CCDC178: variants seen among roughly 807,000 people sequenced by gnomAD.
The protein encoded by CCDC178 is coiled-coil domain containing 178.
In CCDC178, 126 loss-of-function variants were observed where a neutral mutation model predicts 117.4. The ratio of observed to expected loss-of-function variants is 1.07; its 90% confidence interval spans 0.93 to 1.24. The LOEUF is 1.24. CCDC178 is among the 50% of genes most tolerant of loss of function. CCDC178 has a pLI of 0.00. For missense variants in CCDC178, 1,030 were observed against 986.9 expected (o/e 1.04, Z -0.59); for synonymous variants, 283 against 313.4 (o/e 0.90, Z 1.02).
intron 10 of CCDC178, among the ~76,000 whole-genome samples, chr18:33,332,214 AC>A (rs1414457436): frequency 1.3e-5 from 2 of 152,218 alleles, no homozygotes; most frequent in Non-Finnish European, 1.5e-5. Context: ...ATATAATTAC[AC>A]AAATTTGGCT....
At chr18:33,063,390 T>C (rs2056961328) in intron 21 of CCDC178, among the ~76,000 whole-genome samples, 2 of 152,098 alleles carry the variant, frequency 1.3e-5, no homozygotes. Context: ...CCACTGCCCA[T>C]AAACTCTGTT....
At chr18:33,150,006 G>C (rs572141606) in intron 20 of CCDC178, among the ~76,000 whole-genome samples, 1 of 152,272 alleles carries the variant, frequency 6.6e-6, no homozygotes, top group Admixed American at 6.5e-5. Context: ...CAGGGCTATA[G>C]TACCAAAACA....
chr18:32,949,912 C>A (rs1263324552), intron 22 of CCDC178, among the ~76,000 whole-genome samples: 1 of 152,100 alleles, frequency 6.6e-6, no homozygotes, highest in Non-Finnish European at 1.5e-5. Flanking sequence ...GCCTTGCTTT[C>A]AAAATTTGTT....
intron 10 of CCDC178, among the ~76,000 whole-genome samples, chr18:33,330,176 G>T (rs928934033): frequency 2.6e-5 from 4 of 151,772 alleles, no homozygotes; most frequent in Non-Finnish European, 5.9e-5. Flanking sequence ...TTTCATTTTT[G>T]AGTATTGTCA....
At position 33,004,655 on chromosome 18, in the gene CCDC178, G is replaced by A. The variant is rs149990084; in HGVS notation, c.2389-29974C>T. ...AGTTAAAAAGCTTCTGCACAGCAAA[G>A]GAAACAATCAAGTGAAGAGACAACC... On this transcript the variant is annotated intron_variant, in intron 21 of 22. Transcript: ENST00000383096. 4.6e-3 allele frequency among the ~76,000 whole-genome samples: 693 copies of A among 152,080 alleles called. 4 individuals carry two copies. Among genetic ancestry groups the A allele is most frequent in the African/African-American group, 0.015 (643 of 41,528 alleles).
chr18:32,941,400 T>G (rs2054236323), intron 22 of CCDC178, among the ~76,000 whole-genome samples: 1 of 152,088 alleles, frequency 6.6e-6, no homozygotes, highest in Non-Finnish European at 1.5e-5. Context: ...AGGAAAACGA[T>G]AAAAGTAGGG....
At chr18:33,256,490 G>A (rs1288805970) in intron 14 of CCDC178, among the ~76,000 whole-genome samples, 2 of 152,120 alleles carry the variant, frequency 1.3e-5, no homozygotes, top group East Asian at 3.9e-4. Context: ...TTGACAAAAA[G>A]CATGCCAGGC....
At chr18:33,353,546 C>A (rs949960291) in intron 7 of CCDC178, among the ~76,000 whole-genome samples, 1 of 151,666 alleles carries the variant, frequency 6.6e-6, no homozygotes, top group African/African-American at 2.4e-5. Context: ...CTTTGTTTTC[C>A]TGTACTGTCT....
At chr18:33,200,458 T>C (rs1288998402) in intron 20 of CCDC178, among the ~76,000 whole-genome samples, 1 of 152,204 alleles carries the variant, frequency 6.6e-6, no homozygotes, top group Non-Finnish European at 1.5e-5. Flanking sequence ...GGTCAATTAT[T>C]CATAACCTAG....
At chr18:33,081,282 T>G (rs2057293271) in intron 21 of CCDC178, among the ~76,000 whole-genome samples, 1 of 152,196 alleles carries the variant, frequency 6.6e-6, no homozygotes, top group Non-Finnish European at 1.5e-5. Context: ...AGCATTATGT[T>G]GACTGTTTTT....
At position 33,211,878 on chromosome 18, in the gene CCDC178, T is replaced by C. The variant is rs369864266; in HGVS notation, c.2238+18A>G. On this transcript the variant is annotated intron_variant, in intron 20 of 22. Transcript: ENST00000383096. ...ACTATATTCCTTTCATTTTGAAACA[T>C]GCAAAAATAATACTCACTTGGGTAT... The C allele has an allele frequency of 5.0e-6, 8 of 1,589,556 alleles. No homozygotes were observed. The highest frequency in any genetic ancestry group is 1.2e-5 in the South Asian group (1 of 85,954).
chr18:33,371,747 T>G (rs1269919806), intron 5 of CCDC178, among the ~76,000 whole-genome samples: 1 of 150,422 alleles, frequency 6.6e-6, no homozygotes, highest in Non-Finnish European at 1.5e-5. Flanking sequence ...TTTTGTATGT[T>G]ACAGTCCATC....
intron 7 of CCDC178, among the ~76,000 whole-genome samples, chr18:33,353,804 G>A (rs2063012498): frequency 6.6e-6 from 1 of 151,846 alleles, no homozygotes; most frequent in Admixed American, 6.6e-5. Context: ...ATCATATAGG[G>A]AAACAAATAA....
chr18:32,997,570 C>A (rs988417713), intron 21 of CCDC178, among the ~76,000 whole-genome samples: 3 of 152,056 alleles, frequency 2.0e-5, no homozygotes, highest in Non-Finnish European at 4.4e-5. Context: ...TAAAATCTCT[C>A]TCTTGTTCTC....
chr18:33,328,649 T>C (rs910187602), intron 10 of CCDC178, among the ~76,000 whole-genome samples: 1 of 152,124 alleles, frequency 6.6e-6, no homozygotes, highest in Non-Finnish European at 1.5e-5. Context: ...GAAATTTCAG[T>C]TCTACTTTAT....
rs1019176309 is a variant in CCDC178 at position 33,055,694 on chromosome 18, C to A, written c.2388+37067G>T. Among the ~76,000 whole-genome samples, 17 of 152,248 alleles carry A rather than the reference C, an allele frequency of 1.1e-4. No homozygotes were observed. The South Asian group carries it at 1.5e-3, about 13-fold the overall frequency. On this transcript the variant is annotated intron_variant, in intron 21 of 22. Coordinates refer to ENST00000383096, the MANE Select transcript of CCDC178 (RefSeq NM_001105528.4). ...AAAAGCTTTTGCCTATACAATGAAG[C>A]TATAAGTTCAATGAGGAAGTGACAC...
At position 33,013,542 on chromosome 18, in the gene CCDC178, C is replaced by T. The variant is rs74797131; in HGVS notation, c.2389-38861G>A. Among the ~76,000 whole-genome samples the T allele has an allele frequency of 9.7e-3, 1,482 of 152,210 alleles. 24 individuals carry two copies. The highest frequency in any genetic ancestry group is 0.034 in the African/African-American group (1,423 of 41,524). ...TATCTTGGCACATATAATTTTATGA[C>T]ATAAGGCTATGATTTATTTTTATAT... On this transcript the variant is annotated intron_variant, in intron 21 of 22. Coordinates refer to ENST00000383096, the MANE Select transcript of CCDC178 (RefSeq NM_001105528.4).
At position 33,440,645 on chromosome 18, in the gene CCDC178, C is replaced by G. The variant is rs1004485896; in HGVS notation, c.-143+8G>C. 1 of 152,344 alleles carries G rather than the reference C, an allele frequency of 6.6e-6. No individual in the cohort carries two copies. Among genetic ancestry groups the G allele is most frequent in the Non-Finnish European group, 1.5e-5 (1 of 68,106 alleles). 9.4% of individuals were successfully genotyped at this position (152,344 alleles called of 1,614,324 possible). On this transcript the variant is annotated splice_region_variant and intron_variant, in intron 1 of 22. Coordinates refer to ENST00000383096, the MANE Select transcript of CCDC178 (RefSeq NM_001105528.4). ...GCCCGCGCCGAGGCACAAGCGCCCC[C>G]GACTCACCGGCTCCGCGCGTTTCCC...
chr18:33,248,486 C>T (rs574037380), intron 14 of CCDC178, among the ~76,000 whole-genome samples: 1 of 148,666 alleles, frequency 6.7e-6, no homozygotes, highest in Non-Finnish European at 1.5e-5. Flanking sequence ...TCTCATTGTT[C>T]AATTCCCACC....
Sources: gnomAD v4.1 joint callset for allele counts (sites outside exome capture counted in the v4.1 genomes callset) on GRCh38, gnomAD v4.1.1 for gene constraint, MANE v1.5 for transcripts, NCBI Gene and HGNC (gene_info 2026-07-23, HGNC 2026-07-21) for gene names.